The following TARS3 variants were observed in gnomAD, a reference collection of about 807,000 sequenced individuals.
TARS3 encodes the protein threonine--tRNA ligase 2, cytoplasmic.
Under a neutral mutation model 103.5 loss-of-function variants are expected in TARS3, and 94 were observed. The ratio of observed to expected loss-of-function variants is 0.91; its 90% CI spans 0.77 to 1.08. The LOEUF is 1.08. TARS3 is among the 50% of genes least tolerant of loss of function. TARS3 has a pLI of 0.00. For missense variants in TARS3, 952 were observed against 995.2 expected (o/e 0.96, Z 0.58); for synonymous variants, 416 against 355.4 (o/e 1.17, Z -1.92).
chr15:101,685,473 G>C (rs1898429112), intron 11 of TARS3, among the ~76,000 whole-genome samples: 1 of 152,140 alleles, frequency 6.6e-6, no homozygotes, highest in Non-Finnish European at 1.5e-5. Context: ...TTGAAATGTG[G>C]AAGAAAAATG....
At chr15:101,721,063 C>A in intron 3 of TARS3, 63 bp downstream of exon 3, 1 of 1,432,344 alleles carries the variant, frequency 7.0e-7, no homozygotes, top group Non-Finnish European at 9.6e-7. Flanking sequence ...CCTAAGAAAA[C>A]ATTTTCACCA....
chr15:101,660,230 A>G (rs1191199508), intron 16 of TARS3, among the ~76,000 whole-genome samples: 2 of 152,322 alleles, frequency 1.3e-5, no homozygotes, highest in Admixed American at 6.5e-5. Context: ...AGAGAGCTAA[A>G]CTGCATGAGC....
intron 10 of TARS3, among the ~76,000 whole-genome samples, chr15:101,694,318 G>C (rs1898866839): frequency 6.6e-6 from 1 of 152,230 alleles, no homozygotes; most frequent in Non-Finnish European, 1.5e-5. Flanking sequence ...AAATGCAGCA[G>C]TTCCAGTTCT....
intron 10 of TARS3, among the ~76,000 whole-genome samples, chr15:101,693,177 T>C (rs1567341039): frequency 6.6e-6 from 1 of 152,210 alleles, no homozygotes; most frequent in Non-Finnish European, 1.5e-5. Context: ...ACCATATCTA[T>C]TCTCACACTG....
In TARS3 at chr15:101,724,025, T is replaced by C. The variant is rs1213335388; in HGVS notation, c.297+66A>G. 3.8e-6 allele frequency: 5 copies of C among 1,304,756 alleles called. No homozygotes were observed. In the East Asian group the frequency reaches 1.6e-4, roughly 41 times the overall value. 80.8% of individuals were successfully genotyped at this position (1,304,756 alleles called of 1,614,324 possible). On this transcript the variant is annotated intron_variant, in intron 1 of 18. Coordinates refer to ENST00000335968, the MANE Select transcript of TARS3 (RefSeq NM_152334.3). Reference sequence around the variant, plus strand: ...GCACCTGCCCCCGCAGTTGAAAACCTTTCGGTGCGCACCGTCTCGGCCCGC... The same window carrying C: ...GCACCTGCCCCCGCAGTTGAAAACCCTTCGGTGCGCACCGTCTCGGCCCGC...
In TARS3 at chr15:101,699,533, G is replaced by A; in HGVS notation, c.1320+1553C>T. 6.9e-6 allele frequency: 3 copies of A among 437,260 alleles called. No homozygotes were observed. In the East Asian group the frequency reaches 2.2e-4, roughly 31 times the overall value. The allele number at this position is 437,260 out of a possible 1,614,324, so 27.1% of individuals were successfully genotyped here. On this transcript the variant is annotated intron_variant, in intron 10 of 18. Transcript: ENST00000335968. ...AACTTGAGAGTACAAGGTGCCAGGG[G>A]CCATGCTGATTTTCCAGAGAAGACA...
intron 18 of TARS3, 49 bp from the exon 19 acceptor site, chr15:101,654,779 A>G (rs760213544): frequency 6.4e-7 from 1 of 1,565,934 alleles, no homozygotes; most frequent in Non-Finnish European, 8.7e-7. Flanking sequence ...GCAATTTACC[A>G]AACATTAAGT....
At chr15:101,657,320 G>A (rs981369043) in intron 17 of TARS3, among the ~76,000 whole-genome samples, 4 of 152,238 alleles carry the variant, frequency 2.6e-5, no homozygotes, top group Admixed American at 6.5e-5. Flanking sequence ...AGGTGATGAG[G>A]AGCTGCATCC....
In TARS3 at chr15:101,724,213, C is replaced by T. The variant is rs752521056; in HGVS notation, c.175G>A (p.Ala59Thr). 9 of 1,534,072 alleles carry T rather than the reference C, an allele frequency of 5.9e-6. No individual in the cohort carries two copies. Among genetic ancestry groups the T allele is most frequent in the Middle Eastern group, 1.8e-4 (1 of 5,686 alleles). Residue 59 changes from alanine to threonine, a missense_variant, in exon 1 of 19, where the codon GCC becomes ACC. Ala to Thr is a moderately conservative substitution (Grantham distance 58). Coordinates refer to ENST00000335968, the MANE Select transcript of TARS3 (RefSeq NM_152334.3). ...CGGTGGCGCAGGTCGCAGTTCTCGGCCCGGAGCTGCGCCACCTCCCGCGTG... is the reference window on the plus strand; with the variant it reads ...CGGTGGCGCAGGTCGCAGTTCTCGGTCCGGAGCTGCGCCACCTCCCGCGTG... ...CLTREVAQLR[A>T]ENCDLRHRLC...
intron 5 of TARS3, among the ~76,000 whole-genome samples, chr15:101,709,952 T>C (rs1899776084): frequency 6.6e-6 from 1 of 152,200 alleles, no homozygotes; most frequent in Non-Finnish European, 1.5e-5. Flanking sequence ...GACTGGTGGC[T>C]AGGTCCCCTA....
At chr15:101,717,456 T>G (rs1328919137) in intron 3 of TARS3, among the ~76,000 whole-genome samples, 6 of 152,198 alleles carry the variant, frequency 3.9e-5, no homozygotes, top group Admixed American at 2.0e-4. Context: ...GGCTAGTGTT[T>G]CGCAAACCGA....
At chr15:101,711,808 G>C (rs1158873723) in intron 5 of TARS3, 72 bp downstream of exon 5, 3 of 1,542,670 alleles carry the variant, frequency 1.9e-6, no homozygotes, top group African/African-American at 2.7e-5. Flanking sequence ...CAGTTACTAG[G>C]CTAGTATGTA....
intron 12 of TARS3, among the ~76,000 whole-genome samples, chr15:101,676,068 GCT>G (rs1402157514): frequency 6.6e-6 from 1 of 152,224 alleles, no homozygotes; most frequent in East Asian, 1.9e-4. Flanking sequence ...AAGCTCAGGA[GCT>G]CTGTGAGCAG....
intron 14 of TARS3, 25 bp from the exon 15 acceptor site, chr15:101,671,611 A>G: frequency 6.2e-7 from 1 of 1,609,444 alleles, no homozygotes; most frequent in African/African-American, 1.3e-5. Flanking sequence ...ATGTTTGCTC[A>G]GAAAAGAGTA....
At chr15:101,715,662 T>C (rs754683905) in intron 3 of TARS3, among the ~76,000 whole-genome samples, 1 of 152,216 alleles carries the variant, frequency 6.6e-6, no homozygotes, top group Non-Finnish European at 1.5e-5. Flanking sequence ...ATGCCTCAGA[T>C]TGCCTTCCAA....
In TARS3 at chr15:101,708,914, A is replaced by G. The variant is rs754923950; in HGVS notation, c.813-4T>C. On this transcript the variant is annotated splice_polypyrimidine_tract_variant and splice_region_variant and intron_variant, in intron 5 of 18. Coordinates refer to ENST00000335968, the MANE Select transcript of TARS3 (RefSeq NM_152334.3). The stretch of plus-strand genomic sequence containing the variant: ...CAATTCTGTGCTGGACACTGCTCTA[A>G]AAAGAAGAGCAGAGAACCGACATCC... The G allele has an allele frequency of 6.5e-7, 1 of 1,549,362 alleles. No individual in the cohort carries two copies. Among genetic ancestry groups the G allele is most frequent in the Non-Finnish European group, 8.7e-7 (1 of 1,143,798 alleles).
At chr15:101,716,068 G>A (rs1900142891) in intron 3 of TARS3, among the ~76,000 whole-genome samples, 1 of 151,372 alleles carries the variant, frequency 6.6e-6, no homozygotes. Flanking sequence ...CCAGGCTGGA[G>A]TGCAGTGGTG....
chr15:101,693,124 C>G (rs977860305), intron 10 of TARS3, among the ~76,000 whole-genome samples: 8 of 152,176 alleles, frequency 5.3e-5, no homozygotes, highest in African/African-American at 1.9e-4. Flanking sequence ...AAACAGTAGT[C>G]ATTTTGGAAA....
chr15:101,698,728 T>G (rs1384712301), intron 10 of TARS3, among the ~76,000 whole-genome samples: 1 of 152,228 alleles, frequency 6.6e-6, no homozygotes, highest in Non-Finnish European at 1.5e-5. Context: ...TGATAATCTG[T>G]TCCCAACAAA....
Sources: allele counts gnomAD v4.1 joint callset (sites outside exome capture counted in the v4.1 genomes callset), GRCh38; gene constraint gnomAD v4.1.1; transcripts MANE v1.5; gene names NCBI Gene and HGNC (gene_info 2026-07-23, HGNC 2026-07-21).